The following ZNF716 variants were observed in gnomAD, a reference collection of about 807,000 sequenced individuals.
The protein encoded by ZNF716 is zinc finger protein 716.
A neutral mutation model predicts 13.4 loss-of-function variants in ZNF716; 9 were observed. The ratio of observed to expected loss-of-function variants is 0.67; its 90% confidence interval spans 0.41 to 1.18. ZNF716 has a LOEUF of 1.18. Ranked by LOEUF, ZNF716 falls within the 50% of genes most tolerant of loss-of-function variation. The pLI is 0.01. For missense variants in ZNF716, 581 were observed against 576.6 expected (o/e 1.01, Z -0.08); for synonymous variants, 186 against 195.2 (o/e 0.95, Z 0.39).
intron 1 of ZNF716, among the ~76,000 whole-genome samples, chr7:57,451,440 G>GTTTTT (rs1554321537): frequency 3.5e-5 from 4 of 115,184 alleles, no homozygotes; most frequent in African/African-American, 1.4e-4. Flanking sequence ...TTTTCCCTTG[G>GTTTTT]ATTTTTTTTT....
intron 3 of ZNF716, among the ~76,000 whole-genome samples, chr7:57,463,822 A>G (rs1384723139): frequency 1.3e-5 from 2 of 152,038 alleles, no homozygotes; most frequent in Non-Finnish European, 2.9e-5. Context: ...TGATAATTTC[A>G]TTTTTAATTA....
At chr7:57,451,049 TC>T (rs1789482050) in intron 1 of ZNF716, among the ~76,000 whole-genome samples, 1 of 148,230 alleles carries the variant, frequency 6.7e-6, no homozygotes, top group East Asian at 2.0e-4. Context: ...TGAGAGGGAG[TC>T]TCGCTCTGTT....
At chr7:57,465,238 C>A (rs537393168) in intron 3 of ZNF716, among the ~76,000 whole-genome samples, 39 of 152,248 alleles carry the variant, frequency 2.6e-4, no homozygotes, top group African/African-American at 8.7e-4. Context: ...TAACCCTGGG[C>A]AAGAATACAT....
chr7:57,459,279 C>T (rs555643458), intron 1 of ZNF716, among the ~76,000 whole-genome samples: 55 of 135,150 alleles, frequency 4.1e-4, no homozygotes, highest in African/African-American at 1.4e-3. Flanking sequence ...TGTTCTGTGA[C>T]ATGCTCCTGA....
At chr7:57,450,609 G>C (rs1248175971) in intron 1 of ZNF716, among the ~76,000 whole-genome samples, 2 of 152,092 alleles carry the variant, frequency 1.3e-5, no homozygotes, top group Non-Finnish European at 2.9e-5. Context: ...ATCTCACCCA[G>C]ACTGTGCAGG....
At chr7:57,457,346 A>G (rs1789615433) in intron 1 of ZNF716, among the ~76,000 whole-genome samples, 1 of 151,064 alleles carries the variant, frequency 6.6e-6, no homozygotes, top group Admixed American at 6.6e-5. Context: ...CCCACCCATG[A>G]ATTTTCTTTT....
At chr7:57,463,195 A>C (rs1554323461) in intron 3 of ZNF716, 27 bp downstream of exon 3, 1 of 1,603,708 alleles carries the variant, frequency 6.2e-7, no homozygotes, top group Admixed American at 1.7e-5. Context: ...GAAGCAGATG[A>C]CACAGATGAG....
chr7:57,451,273 C>T (rs1332664004), intron 1 of ZNF716, among the ~76,000 whole-genome samples: 2 of 151,690 alleles, frequency 1.3e-5, no homozygotes, highest in Non-Finnish European at 2.9e-5. Flanking sequence ...CCTTGGCCTC[C>T]GAAAGTGCTG....
chr7:57,456,720 G>A lies in ZNF716; in HGVS notation c.40-5740G>A, dbSNP rs140276876. ...ACTGCACCCCAGCCTGGGCGACAGA[G>A]TGAGACTGCATTTCAAAAAAAAAAA... On this transcript the variant is annotated intron_variant, in intron 1 of 3. Transcript: ENST00000420713. 3.8e-3 allele frequency among the ~76,000 whole-genome samples: 574 copies of A among 151,400 alleles called. 6 individuals carry two copies. Among genetic ancestry groups the A allele is most frequent in the African/African-American group, 0.013 (545 of 41,116 alleles).
At chr7:57,468,345 G>A (rs1245806674) in intron 3 of ZNF716, among the ~76,000 whole-genome samples, 3 of 152,100 alleles carry the variant, frequency 2.0e-5, no homozygotes, top group African/African-American at 7.2e-5. Context: ...GCTCCCATAA[G>A]CCAAAAGTAA....
Position 57,470,970 on chromosome 7 carries a change from T to C in ZNF716, c.*1021T>C, listed in dbSNP as rs1298284509. ...TTATACTGAAGAAAACTCAGGCAAA[T>C]ATGAAAAATGTGGCAAAACTTTTAA... On this transcript the variant is annotated 3_prime_UTR_variant, in exon 4 of 4. Transcript: ENST00000420713. The C allele has an allele frequency of 1.3e-5, 2 of 152,102 alleles. No individual in the cohort carries two copies. Among genetic ancestry groups the C allele is most frequent in the African/African-American group, 4.8e-5 (2 of 41,426 alleles). The allele number at this position is 152,102 out of a possible 1,614,324, so 9.4% of individuals were successfully genotyped here.
chr7:57,455,889 G>C (rs1789577887), intron 1 of ZNF716, among the ~76,000 whole-genome samples: 1 of 151,110 alleles, frequency 6.6e-6, no homozygotes, highest in East Asian at 2.0e-4. Context: ...CTTTTTTTTT[G>C]TACATCTTTT....
At chr7:57,463,258 G>A in intron 3 of ZNF716, 90 bp downstream of exon 3, 1 of 1,528,964 alleles carries the variant, frequency 6.5e-7, no homozygotes, top group Admixed American at 2.1e-5. Flanking sequence ...CTGGGGAGCT[G>A]TACTTCGATG....
chr7:57,450,453 G>T (rs1026560027), intron 1 of ZNF716, 126 bp downstream of exon 1: 1 of 1,539,916 alleles, frequency 6.5e-7, no homozygotes, highest in Non-Finnish European at 8.9e-7. Context: ...AATCCTCCTT[G>T]TCCCAGCTCG....
At position 57,450,193 on chromosome 7, in the gene ZNF716, G is replaced by A. The variant is rs112265111; in HGVS notation, c.-96G>A. 3,405 of 1,575,426 alleles carry A rather than the reference G, an allele frequency of 2.2e-3. 7 individuals are homozygous for A. Among genetic ancestry groups the A allele is most frequent in the Non-Finnish European group, 2.3e-3 (2,693 of 1,153,360 alleles). ...TTACGGGTTCTTTTTGCTTCTCTGCGCCCAGAGCTCCAGTCCTTCTCTTCA... is the reference window on the plus strand; with the variant it reads ...TTACGGGTTCTTTTTGCTTCTCTGCACCCAGAGCTCCAGTCCTTCTCTTCA... On this transcript the variant is annotated 5_prime_UTR_variant, in exon 1 of 4. Transcript: ENST00000420713.
rs2116427996 is a variant in ZNF716 at position 57,470,116 on chromosome 7, G to A, written c.*167G>A. 1 of 719,492 alleles carries A rather than the reference G, an allele frequency of 1.4e-6. No homozygotes were observed. The highest frequency in any genetic ancestry group is 2.1e-6 in the Non-Finnish European group (1 of 476,560). The allele number at this position is 719,492 out of a possible 1,614,324, so 44.6% of individuals were successfully genotyped here. ...AAGTCTTATAAATGTAAAAAAAAAA[G>A]TAACAGCCTTTAACCACCCCTCAAA... On this transcript the variant is annotated 3_prime_UTR_variant, in exon 4 of 4. Coordinates refer to ENST00000420713, the MANE Select transcript of ZNF716 (RefSeq NM_001159279.1).
intron 1 of ZNF716, among the ~76,000 whole-genome samples, chr7:57,460,394 CAAA>C (rs71565809): frequency 2.3e-5 from 2 of 85,496 alleles, no homozygotes; most frequent in Admixed American, 1.4e-4. Context: ...GACTGTGTCT[CAAA>C]AAAAAAAAAA....
intron 3 of ZNF716, among the ~76,000 whole-genome samples, chr7:57,467,507 A>AT (rs1789838032): frequency 6.7e-6 from 1 of 148,484 alleles, no homozygotes; most frequent in Non-Finnish European, 1.5e-5. Context: ...CACCATGAAG[A>AT]TTTTTTTTCA....
Position 57,469,462 on chromosome 7 carries a change from G to C in ZNF716, c.1001G>C (p.Ser334Thr). 1 of 1,611,822 alleles carries C rather than the reference G, an allele frequency of 6.2e-7. No homozygotes were observed. The highest frequency in any genetic ancestry group is 8.5e-7 in the Non-Finnish European group (1 of 1,179,402). The change falls in exon 4 of 4, where the codon AGC (serine) becomes ACC (threonine). Residue 334 changes from serine (S) to threonine (T), a missense_variant. Ser to Thr is a moderately conservative substitution (Grantham distance 58). Coordinates refer to ENST00000420713, the MANE Select transcript of ZNF716 (RefSeq NM_001159279.1). ...YKCEECGKAFSLSSTLKKHKI... is the reference protein window; with the variant it reads ...YKCEECGKAFTLSSTLKKHKI... The stretch of plus-strand genomic sequence containing the variant: ...TGTGAAGAATGTGGCAAAGCCTTTA[G>C]CTTATCCTCAACCCTTAAGAAACAT...
Sources: allele counts gnomAD v4.1 joint callset (sites outside exome capture counted in the v4.1 genomes callset), GRCh38; gene constraint gnomAD v4.1.1; transcripts MANE v1.5; gene names NCBI Gene and HGNC (gene_info 2026-07-23, HGNC 2026-07-21).